Variants in MAP6D1 observed in about 807,000 individuals in gnomAD.
MAP6D1 encodes MAP6 domain containing 1.
Under a neutral mutation model 17.4 loss-of-function variants are expected in MAP6D1, and 13 were observed. The ratio of observed to expected loss-of-function variants is 0.75; its 90% CI spans 0.49 to 1.19. MAP6D1 has a LOEUF of 1.19. Among genes scored for constraint, MAP6D1 ranks in the 50% most tolerant of loss-of-function variants. MAP6D1 has a pLI of 0.00. For missense variants in MAP6D1, 313 were observed against 312.6 expected, an observed-to-expected ratio of 1.00 and a Z score of -0.01; for synonymous variants, 141 against 145.7, an observed-to-expected ratio of 0.97 and a Z score of 0.23.
chr3:183,822,291 A>G (rs926201339), intron 1 of MAP6D1, among the ~76,000 whole-genome samples: 5 of 138,232 alleles, frequency 3.6e-5, no homozygotes, highest in Non-Finnish European at 6.2e-5. Context: ...ACACACACAC[A>G]CAAAACCCCA....
chr3:183,815,966 C>A lies in MAP6D1; in HGVS notation c.*1390G>T, dbSNP rs1162647138. ...TCTGAGATTGTACAGTTTTTAATCT[C>A]ATTTCCACAGACACCCAGCAGGCAG... is the stretch of plus-strand genomic sequence containing the variant. On this transcript the variant is annotated 3_prime_UTR_variant, in exon 3 of 3. Coordinates refer to ENST00000318631, the MANE Select transcript of MAP6D1 (RefSeq NM_024871.4). 1 of 152,256 alleles carries A rather than the reference C, an allele frequency of 6.6e-6. No individual in the cohort carries two copies. The highest frequency in any genetic ancestry group is 1.5e-5 in the Non-Finnish European group (1 of 68,054). 9.4% of individuals were successfully genotyped at this position (152,256 alleles called of 1,614,324 possible). A position where few individuals can be genotyped will look rare whatever the true frequency, so the allele number is the denominator to read the frequency against.
In MAP6D1 at chr3:183,817,255, A is replaced by G; in HGVS notation, c.*101T>C. On this transcript the variant is annotated 3_prime_UTR_variant, in exon 3 of 3. Transcript: ENST00000318631. Reference sequence around the variant, plus strand: ...TTTGAGAGGGGCTGTGCCCTCCCGCAGGGGCCCATGCCATGCTCTCGCCCA... The same window carrying G: ...TTTGAGAGGGGCTGTGCCCTCCCGCGGGGGCCCATGCCATGCTCTCGCCCA... 1 of 1,203,812 alleles carries G rather than the reference A, an allele frequency of 8.3e-7. No individual in the cohort carries two copies. The highest frequency in any genetic ancestry group is 1.2e-6 in the Non-Finnish European group (1 of 836,648). 74.6% of individuals were successfully genotyped at this position (1,203,812 alleles called of 1,614,324 possible).
At position 183,817,185 on chromosome 3, in the gene MAP6D1, A is replaced by T; in HGVS notation, c.*171T>A. 1.6e-6 allele frequency: 1 copy of T among 629,936 alleles called. No homozygotes were observed. Among genetic ancestry groups the T allele is most frequent in the African/African-American group, 1.8e-5 (1 of 54,738 alleles). The allele number at this position is 629,936 out of a possible 1,614,324, so 39.0% of individuals were successfully genotyped here. A position where few individuals can be genotyped will look rare whatever the true frequency, so the allele number is the denominator to read the frequency against. On this transcript the variant is annotated 3_prime_UTR_variant, in exon 3 of 3. Transcript: ENST00000318631. Reference sequence around the variant, plus strand: ...AGGCTGAGCTGGGTGTGCCAAGTCCATCGGTGCATCTGCTCCACACCAGCA... The same window carrying T: ...AGGCTGAGCTGGGTGTGCCAAGTCCTTCGGTGCATCTGCTCCACACCAGCA...
intron 1 of MAP6D1, among the ~76,000 whole-genome samples, chr3:183,818,718 C>T (rs1380994957): frequency 6.6e-6 from 1 of 152,208 alleles, no homozygotes; most frequent in East Asian, 1.9e-4. Flanking sequence ...CTCATTAACT[C>T]ATGCAGAAGA....
rs1727112414 is a variant in MAP6D1, at chr3:183,816,537, T to C, written c.*819A>G. 1 of 152,248 alleles carries C rather than the reference T, an allele frequency of 6.6e-6. No individual in the cohort carries two copies. Among genetic ancestry groups the C allele is most frequent in the African/African-American group, 2.4e-5 (1 of 41,438 alleles). The allele number at this position is 152,248 out of a possible 1,614,324, so 9.4% of individuals were successfully genotyped here. ...TGAGCAGGGTAGACGGAAGGGTTGG[T>C]GTAGAGGACATTTTAAGGTATTTCA... On this transcript the variant is annotated 3_prime_UTR_variant, in exon 3 of 3. Transcript: ENST00000318631.
rs772144105 is a variant in MAP6D1, at chr3:183,817,456, C to T, written c.520-20G>A. On this transcript the variant is annotated intron_variant, in intron 2 of 2. Transcript: ENST00000318631. Reference sequence around the variant, plus strand: ...TGGGACCTGAAAAATGAAGTGTGGCCACATATCAGTGGGACTTTTCCTTAA... The same window carrying T: ...TGGGACCTGAAAAATGAAGTGTGGCTACATATCAGTGGGACTTTTCCTTAA... 3.2e-6 allele frequency: 5 copies of T among 1,552,238 alleles called. No homozygotes were observed. Among genetic ancestry groups the T allele is most frequent in the East Asian group, 2.4e-5 (1 of 41,658 alleles).
intron 1 of MAP6D1, among the ~76,000 whole-genome samples, chr3:183,824,123 C>T (rs1560356981): frequency 6.6e-6 from 1 of 152,204 alleles, no homozygotes; most frequent in African/African-American, 2.4e-5. Context: ...ATCAGCAGGA[C>T]AAGGGGTTTG....
At chr3:183,825,067 A>T in intron 1 of MAP6D1, 80 bp downstream of exon 1, 1 of 1,266,634 alleles carries the variant, frequency 7.9e-7, no homozygotes, top group Non-Finnish European at 1.0e-6. Flanking sequence ...TCTGCCGCCC[A>T]CCCCATCCCT....
At chr3:183,823,358 T>A (rs1050625436) in intron 1 of MAP6D1, among the ~76,000 whole-genome samples, 1 of 151,872 alleles carries the variant, frequency 6.6e-6, no homozygotes, top group Non-Finnish European at 1.5e-5. Context: ...TCCCAGCACT[T>A]TGGGAGGCCG....
Position 183,825,514 on chromosome 3 carries a change from G to A in MAP6D1, c.34C>T (p.Leu12=). 1.4e-6 allele frequency: 2 copies of A among 1,389,600 alleles called. No individual in the cohort carries two copies. Among genetic ancestry groups the A allele is most frequent in the Non-Finnish European group, 1.9e-6 (2 of 1,071,584 alleles). 86.1% of individuals were successfully genotyped at this position (1,389,600 alleles called of 1,614,324 possible). ...TCCAGCTGGTTCCAGCGCCGCGCCA[G>A]GCAGCACAGGCGGCTGATACAGGGC... ...AWPCISRLCC[L]ARRWNQLDRS... The change falls in exon 1 of 3, where the codon CTG becomes TTG. Residue 12 remains leucine, a synonymous_variant. Coordinates refer to ENST00000318631, the MANE Select transcript of MAP6D1 (RefSeq NM_024871.4).
At position 183,825,356 on chromosome 3, in the gene MAP6D1, C is replaced by T; in HGVS notation, c.192G>A (p.Val64=). 1 of 1,439,756 alleles carries T rather than the reference C, an allele frequency of 6.9e-7. No homozygotes were observed. The highest frequency in any genetic ancestry group is 9.1e-7 in the Non-Finnish European group (1 of 1,097,618). 89.2% of individuals were successfully genotyped at this position (1,439,756 alleles called of 1,614,324 possible). ...AGTCCCGCTGGTACTGAGTGAGCGGCACGTCCCGGCCGGAATCCCGGGCGC... is the reference window on the plus strand; with the variant it reads ...AGTCCCGCTGGTACTGAGTGAGCGGTACGTCCCGGCCGGAATCCCGGGCGC... ...PAGARDSGRD[V]PLTQYQRDFG... Residue 64 remains valine (V), a synonymous_variant, in exon 1 of 3, where the codon GTG becomes GTA. Coordinates refer to ENST00000318631, the MANE Select transcript of MAP6D1 (RefSeq NM_024871.4).
rs1450050668 is a variant in MAP6D1 at position 183,817,417 on chromosome 3, T to A, written c.539A>T (p.Lys180Met). The A allele has an allele frequency of 1.1e-5, 18 of 1,566,832 alleles. No individual in the cohort carries two copies. The highest frequency in any genetic ancestry group is 1.6e-5 in the Non-Finnish European group (18 of 1,155,258). ...GATGGCGGAGGGGTTAGGAGTGAACTTCTTCCTCACCTCTGGGACCTGAAA... is the reference window on the plus strand; with the variant it reads ...GATGGCGGAGGGGTTAGGAGTGAACATCTTCCTCACCTCTGGGACCTGAAA... ...AGFQVPEVRK[K>M]FTPNPSAIFQ... Residue 180 changes from lysine (K) to methionine (M), a missense_variant, in exon 3 of 3, where the codon AAG becomes ATG. Transcript: ENST00000318631.
At chr3:183,824,480 G>A (rs990401103) in intron 1 of MAP6D1, among the ~76,000 whole-genome samples, 43 of 152,292 alleles carry the variant, frequency 2.8e-4, no homozygotes, top group African/African-American at 9.4e-4. Context: ...TGCACATTAC[G>A]GAGTAGAAAG....
At position 183,817,005 on chromosome 3, in the gene MAP6D1, G is replaced by A. The variant is rs530309974; in HGVS notation, c.*351C>T. On this transcript the variant is annotated 3_prime_UTR_variant, in exon 3 of 3. Transcript: ENST00000318631. ...AGTGGACATAACTGGTTCTTTCAAG[G>A]GCCGGATGTGTCCACATTCCTCAGC... 4.3e-4 allele frequency: 126 copies of A among 294,800 alleles called. 2 individuals carry two copies. Among genetic ancestry groups the A allele is most frequent in the South Asian group, 3.9e-3 (114 of 29,288 alleles). 18.3% of individuals were successfully genotyped at this position (294,800 alleles called of 1,614,324 possible). A position where few individuals can be genotyped will look rare whatever the true frequency, so the allele number is the denominator to read the frequency against.
At chr3:183,820,623 G>A (rs1282845679) in intron 1 of MAP6D1, among the ~76,000 whole-genome samples, 13 of 151,792 alleles carry the variant, frequency 8.6e-5, no homozygotes, top group Admixed American at 5.2e-4. Context: ...AATTAGGCCA[G>A]GCACAGTGGC....
At position 183,819,884 on chromosome 3, in the gene MAP6D1, TCAGCCCTTTAACTGCCCCACCTAGGCAG is replaced by T. The variant is rs1560355322; in HGVS notation, c.402-1801_402-1774del. 2.6e-5 allele frequency among the ~76,000 whole-genome samples: 4 copies of T among 151,764 alleles called. No homozygotes were observed. In the South Asian group the frequency reaches 8.3e-4, roughly 31 times the overall value. ...GGCCAAGTCTTGTGGAACTTGAATA[TCAGCCCTTTAACTGCCCCACCTAGGCAG>T]GAAGGAGGGAAGCAACCAGGGAGCA... is the stretch of plus-strand genomic sequence containing the variant. On this transcript the variant is annotated intron_variant, in intron 1 of 2. Transcript: ENST00000318631.
Position 183,816,343 on chromosome 3 carries a change from G to T in MAP6D1, c.*1013C>A, listed in dbSNP as rs975919519. 5 of 152,258 alleles carry T rather than the reference G, an allele frequency of 3.3e-5. No homozygotes were observed. Among genetic ancestry groups the T allele is most frequent in the Non-Finnish European group, 7.3e-5 (5 of 68,048 alleles). The allele number at this position is 152,258 out of a possible 1,614,324, so 9.4% of individuals were successfully genotyped here. Reference sequence around the variant, plus strand: ...CCTTACTGAAGACTGTCCTGAGCTTGTACCTCTAAGCTTTAAAAAGAGACG... The same window carrying T: ...CCTTACTGAAGACTGTCCTGAGCTTTTACCTCTAAGCTTTAAAAAGAGACG... On this transcript the variant is annotated 3_prime_UTR_variant, in exon 3 of 3. Transcript: ENST00000318631.
chr3:183,820,700 C>T (rs1350686816), intron 1 of MAP6D1, among the ~76,000 whole-genome samples: 1 of 151,650 alleles, frequency 6.6e-6, no homozygotes, highest in Non-Finnish European at 1.5e-5. Flanking sequence ...GAGATCGAGA[C>T]CATCCTGGCT....
At chr3:183,822,662 G>A (rs1727287124) in intron 1 of MAP6D1, among the ~76,000 whole-genome samples, 1 of 152,210 alleles carries the variant, frequency 6.6e-6, no homozygotes, top group Admixed American at 6.5e-5. Context: ...GGGGACAGTG[G>A]TTGCAGGGTG....
Sources: allele counts gnomAD v4.1 joint callset (sites outside exome capture counted in the v4.1 genomes callset), GRCh38; gene constraint gnomAD v4.1.1; transcripts MANE v1.5; gene names NCBI Gene and HGNC (gene_info 2026-07-23, HGNC 2026-07-21).